The following GSG1L variants were observed in gnomAD, a reference collection of about 807,000 sequenced individuals.
GSG1L encodes the protein germ cell-specific gene 1-like protein.
GSG1L carries 24 observed loss-of-function variants against 42.1 expected under a neutral mutation model. The ratio of observed to expected loss-of-function variants is 0.57; its 90% CI spans 0.41 to 0.80. The LOEUF (loss-of-function observed/expected upper bound fraction) is 0.80, where lower values mean the gene tolerates loss of function less well. Ranked by LOEUF, GSG1L falls within the 30% of genes least tolerant of loss-of-function variation. The pLI is 0.00. For synonymous variants in GSG1L, 215 were observed against 203.5 expected (o/e 1.06, Z -0.48); for missense variants, 445 against 472.2 (o/e 0.94, Z 0.53).
At chr16:27,962,001 TC>T (rs1052182447) in intron 2 of GSG1L, among the ~76,000 whole-genome samples, 23 of 151,990 alleles carry the variant, frequency 1.5e-4, no homozygotes, top group African/African-American at 5.3e-4. Context: ...TGCCTCAGTT[TC>T]CCCTCCCCTG....
At chr16:28,007,503 GT>G (rs546793781) in intron 1 of GSG1L, among the ~76,000 whole-genome samples, 1,811 of 90,740 alleles carry the variant, frequency 0.02, 39 homozygotes, top group African/African-American at 0.11. Flanking sequence ...TGGTTGGTTG[GT>G]TGGTTGGTTG....
intron 4 of GSG1L, among the ~76,000 whole-genome samples, chr16:27,837,518 C>T (rs930213345): frequency 2.6e-5 from 4 of 152,192 alleles, no homozygotes; most frequent in African/African-American, 9.7e-5. Flanking sequence ...CATCCCTGCT[C>T]CCCACACATC....
At chr16:27,944,080 A>T (rs747979469) in intron 2 of GSG1L, among the ~76,000 whole-genome samples, 9 of 152,046 alleles carry the variant, frequency 5.9e-5, no homozygotes, top group Non-Finnish European at 1.0e-4. Context: ...GGGGAAAGGG[A>T]TTTGGTAGTG....
chr16:27,799,232 C>A (rs1254331492), intron 6 of GSG1L, among the ~76,000 whole-genome samples: 2 of 143,840 alleles, frequency 1.4e-5, no homozygotes. Flanking sequence ...CCCATATCTA[C>A]CAAAAAAAAA....
At chr16:27,857,633 G>C (rs1036919360) in intron 3 of GSG1L, among the ~76,000 whole-genome samples, 1 of 152,016 alleles carries the variant, frequency 6.6e-6, no homozygotes, top group African/African-American at 2.4e-5. Context: ...GCAGCACCCC[G>C]GGGAAGCCTA....
intron 1 of GSG1L, among the ~76,000 whole-genome samples, chr16:27,976,784 C>T (rs978233595): frequency 2.6e-5 from 4 of 152,194 alleles, no homozygotes; most frequent in African/African-American, 9.7e-5. Context: ...CTCTGTTTCT[C>T]TAAGTCTGAA....
intron 2 of GSG1L, among the ~76,000 whole-genome samples, chr16:27,888,927 G>GATAGATAGATATAGATATAGATATAGAT: frequency 7.0e-6 from 1 of 142,110 alleles, no homozygotes; most frequent in South Asian, 2.4e-4. Flanking sequence ...CTTGTGCTTA[G>GATAGATAGATATAGATATAGATATAGAT]ATAGATATAG....
At chr16:27,846,089 G>A (rs2083440301) in intron 3 of GSG1L, among the ~76,000 whole-genome samples, 1 of 151,972 alleles carries the variant, frequency 6.6e-6, no homozygotes, top group Non-Finnish European at 1.5e-5. Context: ...TTCCCCTACT[G>A]ATTTTAAAGG....
intron 1 of GSG1L, among the ~76,000 whole-genome samples, chr16:28,039,951 C>T (rs892559170): frequency 2.6e-5 from 4 of 152,146 alleles, no homozygotes; most frequent in Non-Finnish European, 5.9e-5. Flanking sequence ...AACCTGTCCC[C>T]GCGCCCCTCC....
At chr16:27,819,384 ACCCCATC>A (rs2083127838) in intron 5 of GSG1L, among the ~76,000 whole-genome samples, 2 of 151,848 alleles carry the variant, frequency 1.3e-5, no homozygotes, top group African/African-American at 4.8e-5. Context: ...CCATCCCAAA[ACCCCATC>A]CCCATCTTTG....
chr16:27,886,096 T>C (rs1349886567), intron 2 of GSG1L, among the ~76,000 whole-genome samples: 1 of 152,144 alleles, frequency 6.6e-6, no homozygotes, highest in Non-Finnish European at 1.5e-5. Flanking sequence ...CCAACTCCAG[T>C]CATTGGTTCA....
At chr16:27,821,444 C>T (rs1779781949) in intron 5 of GSG1L, among the ~76,000 whole-genome samples, 1 of 152,138 alleles carries the variant, frequency 6.6e-6, no homozygotes, top group African/African-American at 2.4e-5. Flanking sequence ...TCCCTCCCTG[C>T]TCTTGCAGTC....
chr16:27,872,320 T>C (rs899636133), intron 3 of GSG1L, among the ~76,000 whole-genome samples: 5 of 152,190 alleles, frequency 3.3e-5, no homozygotes, highest in African/African-American at 1.2e-4. Context: ...GAAGGGGCCG[T>C]ATGGACATGG....
chr16:27,850,990 T>C (rs1325259360), intron 3 of GSG1L, among the ~76,000 whole-genome samples: 2 of 151,826 alleles, frequency 1.3e-5, no homozygotes, highest in African/African-American at 2.4e-5. Flanking sequence ...TAGAGAATGT[T>C]TCCATGCCCA....
In GSG1L at chr16:28,059,991, T is replaced by C. The variant is rs971317898; in HGVS notation, c.349+3085A>G. 2.6e-5 allele frequency among the ~76,000 whole-genome samples: 4 copies of C among 152,130 alleles called. No homozygotes were observed. The highest frequency in any genetic ancestry group is 9.7e-5 in the African/African-American group (4 of 41,406). On this transcript the variant is annotated intron_variant, in intron 1 of 6. Transcript: ENST00000447459. This position sits in a 1 kb window ranked among gnomAD's most constrained non-coding sequence, Gnocchi z 4.4. ...AGGTTTTTCTGAGCCTAGAAAGGAA[T>C]GGCCGAACAGGCAAACAGGCGTTGG...
chr16:28,047,001 T>C (rs2086169062), intron 1 of GSG1L, among the ~76,000 whole-genome samples: 1 of 152,188 alleles, frequency 6.6e-6, no homozygotes, highest in Non-Finnish European at 1.5e-5. Flanking sequence ...GACAGGAACC[T>C]AGTCATCCTC....
chr16:27,842,392 C>G (rs994376619), intron 4 of GSG1L, among the ~76,000 whole-genome samples: 6 of 152,220 alleles, frequency 3.9e-5, no homozygotes, highest in African/African-American at 1.4e-4. Context: ...AGCTCTACCC[C>G]TCGCAGCTGG....
At chr16:27,928,054 T>C (rs897186178) in intron 2 of GSG1L, among the ~76,000 whole-genome samples, 5 of 152,232 alleles carry the variant, frequency 3.3e-5, no homozygotes, top group Non-Finnish European at 7.3e-5. Context: ...ATACGTTCCA[T>C]GTCCCCCAGT....
chr16:27,834,469 C>T (rs1367961146), intron 4 of GSG1L, among the ~76,000 whole-genome samples: 1 of 147,400 alleles, frequency 6.8e-6, no homozygotes, highest in Non-Finnish European at 1.5e-5. Flanking sequence ...GTTTTCTCTC[C>T]TCTTCTATTT....
Sources: allele counts gnomAD v4.1 joint callset (sites outside exome capture counted in the v4.1 genomes callset), GRCh38; gene constraint gnomAD v4.1.1; non-coding constraint Gnocchi (gnomAD v3.1); transcripts MANE v1.5; gene names NCBI Gene and HGNC (gene_info 2026-07-23, HGNC 2026-07-21).